CD38: variants seen among roughly 807,000 people sequenced by gnomAD.
CD38 encodes the protein CD38 molecule.
A neutral mutation model predicts 36.3 loss-of-function variants in CD38; 31 were observed. The observed-to-expected ratio is 0.85, with a 90% CI of 0.64 to 1.15. The LOEUF is 1.15. Ranked by LOEUF, CD38 falls within the 50% of genes most tolerant of loss-of-function variation. The pLI, the probability that CD38 is intolerant of heterozygous loss-of-function variation, is 0.00. For synonymous variants in CD38, 131 were observed against 135.2 expected (o/e 0.97, Z 0.22); for missense variants, 380 against 371.9 (o/e 1.02, Z -0.18).
Position 15,785,000 on chromosome 4 carries a change from G to A in CD38, c.233+6353G>A, listed in dbSNP as rs546744034. Among the ~76,000 whole-genome samples the A allele has an allele frequency of 3.9e-5, 6 of 151,990 alleles. No homozygotes were observed. The East Asian group carries it at 1.2e-3, about 29-fold the overall frequency. On this transcript the variant is annotated intron_variant, in intron 1 of 7. Transcript: ENST00000226279. ...GAACCTGGGAGGCGGAGGTTGCAAT[G>A]AGCTGAGCTCACGCCACTACACTCC...
At chr4:15,802,278 G>T (rs1241568178) in intron 1 of CD38, among the ~76,000 whole-genome samples, 3 of 151,910 alleles carry the variant, frequency 2.0e-5, no homozygotes, top group Non-Finnish European at 2.9e-5. Flanking sequence ...ACTAATAAAA[G>T]AAATTGAAGA....
In CD38 at chr4:15,852,832, G is replaced by T. The variant is rs1262085922; in HGVS notation, c.*4230G>T. ...TTCTTTTTTTTTTTTTTTTTTGGGA[G>T]ACGGAGTCTCGCTGTCGCCCAGGCT... is the stretch of plus-strand genomic sequence containing the variant. On this transcript the variant is annotated 3_prime_UTR_variant, in exon 8 of 8. Coordinates refer to ENST00000226279, the MANE Select transcript of CD38 (RefSeq NM_001775.4). The T allele has an allele frequency of 2.7e-5, 3 of 110,834 alleles. No individual in the cohort carries two copies. The highest frequency in any genetic ancestry group is 9.0e-5 in the Admixed American group (1 of 11,054). 6.9% of individuals were successfully genotyped at this position (110,834 alleles called of 1,614,324 possible).
In CD38 at chr4:15,848,563, G is replaced by T. The variant is rs1000666362; in HGVS notation, c.864G>T (p.Val288=). 6.2e-7 allele frequency: 1 copy of T among 1,613,844 alleles called. No individual in the cohort carries two copies. Among genetic ancestry groups the T allele is most frequent in the Non-Finnish European group, 8.5e-7 (1 of 1,179,814 alleles). ...IYRPDKFLQC[V]KNPEDSSCTS... Reference sequence around the variant, plus strand: ...GACCTGACAAGTTTCTTCAGTGTGTGAAAAATCCTGAGGATTCATCTTGCA... The same window carrying T: ...GACCTGACAAGTTTCTTCAGTGTGTTAAAAATCCTGAGGATTCATCTTGCA... The change falls in exon 8 of 8, where the codon GTG becomes GTT. Residue 288 remains valine, a synonymous_variant. Transcript: ENST00000226279.
In CD38 at chr4:15,848,679, G is replaced by C; in HGVS notation, c.*77G>C. On this transcript the variant is annotated 3_prime_UTR_variant, in exon 8 of 8. Transcript: ENST00000226279. ...CATACATGACTCAGCATACCTGCTG[G>C]TGCAGAGCTGAAGATTTTGGAGGGT... 1 of 1,216,426 alleles carries C rather than the reference G, an allele frequency of 8.2e-7. No individual in the cohort carries two copies. The highest frequency in any genetic ancestry group is 1.3e-5 in the South Asian group (1 of 79,606). The allele number at this position is 1,216,426 out of a possible 1,614,324, so 75.4% of individuals were successfully genotyped here.
At position 15,819,482 on chromosome 4, in the gene CD38, G is replaced by A. The variant is rs369634292; in HGVS notation, c.363+2842G>A. Reference sequence around the variant, plus strand: ...CTGAAGGAGTATATTCTAACCCACTGCAAAGAAGCTAAGAACCATGATAAA... The same window carrying A: ...CTGAAGGAGTATATTCTAACCCACTACAAAGAAGCTAAGAACCATGATAAA... On this transcript the variant is annotated intron_variant, in intron 2 of 7. Transcript: ENST00000226279. 7.0e-4 allele frequency among the ~76,000 whole-genome samples: 107 copies of A among 152,118 alleles called. 3 individuals carry two copies. In the South Asian group the frequency reaches 0.022, roughly 31 times the overall value.
chr4:15,808,785 C>T (rs548506146), intron 1 of CD38, among the ~76,000 whole-genome samples: 9 of 152,318 alleles, frequency 5.9e-5, no homozygotes, highest in African/African-American at 1.9e-4. Flanking sequence ...CCTGGCCCTA[C>T]GGTAACTATT....
In CD38 at chr4:15,840,068, G is replaced by T; in HGVS notation, c.702G>T (p.Lys234Asn). The T allele has an allele frequency of 6.2e-7, 1 of 1,613,786 alleles. No homozygotes were observed. Among genetic ancestry groups the T allele is most frequent in the Non-Finnish European group, 8.5e-7 (1 of 1,179,750 alleles). The change falls in exon 6 of 8, where the codon AAG becomes AAT. Residue 234 changes from lysine to asparagine, a missense_variant. Lys to Asn is a moderately conservative substitution (Grantham distance 94, BLOSUM62 0). Coordinates refer to ENST00000226279, the MANE Select transcript of CD38 (RefSeq NM_001775.4). ...SVEVHNLQPE[K>N]VQTLEAWVIH... Reference sequence around the variant, plus strand: ...AAGTCCATAATTTGCAACCAGAGAAGGTTCAGACACTAGAGGCCTGGGTGA... The same window carrying T: ...AAGTCCATAATTTGCAACCAGAGAATGTTCAGACACTAGAGGCCTGGGTGA...
chr4:15,818,231 C>T (rs367621707), intron 2 of CD38, among the ~76,000 whole-genome samples: 2 of 152,110 alleles, frequency 1.3e-5, no homozygotes, highest in Non-Finnish European at 2.9e-5. Context: ...GCTAAGGGGG[C>T]TGGGAAGTCT....
intron 7 of CD38, among the ~76,000 whole-genome samples, chr4:15,841,104 TACAG>T (rs1041438241): frequency 6.6e-6 from 1 of 152,200 alleles, no homozygotes; most frequent in African/African-American, 2.4e-5. Flanking sequence ...AGTTTAAAAT[TACAG>T]ATAGATATAT....
chr4:15,795,159 A>G (rs975000765), intron 1 of CD38, among the ~76,000 whole-genome samples: 2 of 152,144 alleles, frequency 1.3e-5, no homozygotes, highest in African/African-American at 4.8e-5. Context: ...GAAAAAATGG[A>G]TGTAAGATGC....
At chr4:15,789,066 A>T (rs2148914916) in intron 1 of CD38, among the ~76,000 whole-genome samples, 1 of 152,350 alleles carries the variant, frequency 6.6e-6, no homozygotes, top group African/African-American at 2.4e-5. Context: ...ATAATTAAGT[A>T]ATTCTTGGTA....
intron 1 of CD38, among the ~76,000 whole-genome samples, chr4:15,802,888 T>C (rs1013997994): frequency 6.6e-6 from 1 of 152,194 alleles, no homozygotes; most frequent in African/African-American, 2.4e-5. Context: ...GGGATCACAC[T>C]ACTTTACTTT....
Position 15,778,626 on chromosome 4 carries a change from C to G in CD38, c.212C>G (p.Thr71Ser), listed in dbSNP as rs1402472628. 1.9e-6 allele frequency: 3 copies of G among 1,612,812 alleles called. No individual in the cohort carries two copies. The highest frequency in any genetic ancestry group is 2.5e-6 in the Non-Finnish European group (3 of 1,179,234). ...GTCCTGGCGCGATGCGTCAAGTACA[C>G]TGAAATTCATCCTGAGATGAGGTGG... The part of the protein sequence containing the change: ...ETVLARCVKY[T>S]EIHPEMRHVD... Residue 71 changes from threonine (T) to serine (S), a missense_variant, in exon 1 of 8, where the codon ACT becomes AGT. Thr to Ser is a moderately conservative substitution (Grantham distance 58, BLOSUM62 1). Coordinates refer to ENST00000226279, the MANE Select transcript of CD38 (RefSeq NM_001775.4). This position sits in a 1 kb window ranked among gnomAD's most constrained non-coding sequence, Gnocchi z 4.9.
chr4:15,837,835 T>TGAACCACC (rs1193395965), intron 4 of CD38, among the ~76,000 whole-genome samples: 10 of 152,216 alleles, frequency 6.6e-5, no homozygotes, highest in Non-Finnish European at 1.5e-5. Context: ...TCTGAACCAC[T>TGAACCACC]GAACCACCAG....
intron 1 of CD38, among the ~76,000 whole-genome samples, chr4:15,787,364 G>A (rs73131143): frequency 0.019 from 2,893 of 152,340 alleles, 90 homozygotes; most frequent in African/African-American, 0.066. Context: ...GAATGAAAAT[G>A]TGGGGCTCAT....
chr4:15,800,693 G>A (rs1723199113), intron 1 of CD38, among the ~76,000 whole-genome samples: 1 of 151,916 alleles, frequency 6.6e-6, no homozygotes, highest in African/African-American at 2.4e-5. Context: ...GGTCAATGAA[G>A]AAATTAAGAA....
chr4:15,818,361 G>T (rs866098547), intron 2 of CD38, among the ~76,000 whole-genome samples: 1 of 152,170 alleles, frequency 6.6e-6, no homozygotes, highest in African/African-American at 2.4e-5. Flanking sequence ...CAAAACCTCC[G>T]TCTCCCTGGG....
At chr4:15,838,626 A>G (rs943708842) in intron 5 of CD38, among the ~76,000 whole-genome samples, 12 of 152,284 alleles carry the variant, frequency 7.9e-5, no homozygotes, top group African/African-American at 2.6e-4. Flanking sequence ...TAGTAAAACT[A>G]CTACCGGGAA....
intron 1 of CD38, among the ~76,000 whole-genome samples, chr4:15,791,057 GC>G (rs1408190384): frequency 2.3e-5 from 3 of 129,414 alleles, no homozygotes; most frequent in Admixed American, 7.1e-5. Flanking sequence ...GGGGGGGTCA[GC>G]CCCCCGCCCG....
Sources: allele counts gnomAD v4.1 joint callset (sites outside exome capture counted in the v4.1 genomes callset), GRCh38; gene constraint gnomAD v4.1.1; non-coding constraint Gnocchi (gnomAD v3.1); transcripts MANE v1.5; gene names NCBI Gene and HGNC (gene_info 2026-07-23, HGNC 2026-07-21).